GRID2: variants seen among roughly 807,000 people sequenced by gnomAD.
GRID2 encodes the protein glutamate ionotropic receptor delta type subunit 2.
GRID2 carries 33 observed loss-of-function variants against 114.8 expected under a neutral mutation model. That is an observed-to-expected ratio of 0.29 (90% CI 0.22 to 0.38). GRID2 has a LOEUF of 0.38. Ranked by LOEUF, GRID2 falls within the 10% of genes least tolerant of loss-of-function variation. The probability of loss-of-function intolerance (pLI) is 1.00; values close to 1 mark genes in which losing one functional copy is unlikely to be tolerated. For missense variants in GRID2, 1,184 were observed against 1,257.7 expected (o/e 0.94, Z 0.89); for synonymous variants, 505 against 449.9 (o/e 1.12, Z -1.55).
At chr4:93,593,215 G>C (rs1261752977) in intron 13 of GRID2, among the ~76,000 whole-genome samples, 1 of 147,006 alleles carries the variant, frequency 6.8e-6, no homozygotes, top group Non-Finnish European at 1.5e-5. Flanking sequence ...TCCATGTTTA[G>C]CGCTTCCTTC....
At chr4:93,519,995 A>G (rs994811243) in intron 13 of GRID2, among the ~76,000 whole-genome samples, 4 of 152,142 alleles carry the variant, frequency 2.6e-5, no homozygotes, top group Admixed American at 2.6e-4. Flanking sequence ...TTAAAATGGA[A>G]GCCAAGGCAA....
intron 9 of GRID2, among the ~76,000 whole-genome samples, chr4:93,405,545 C>A (rs910339969): frequency 2.6e-5 from 4 of 152,060 alleles, no homozygotes; most frequent in Non-Finnish European, 4.4e-5. Flanking sequence ...AAAAACAGAT[C>A]TACTACTTGT....
chr4:92,422,274 T>C (rs1474531127), intron 1 of GRID2, among the ~76,000 whole-genome samples: 3 of 152,068 alleles, frequency 2.0e-5, no homozygotes, highest in Non-Finnish European at 4.4e-5. Context: ...TGGAGAGTTC[T>C]AGGAGCAGAT....
intron 1 of GRID2, among the ~76,000 whole-genome samples, chr4:92,452,632 A>G (rs923418872): frequency 3.9e-5 from 6 of 151,914 alleles, no homozygotes; most frequent in Non-Finnish European, 7.4e-5. Context: ...GGCCCTCTTT[A>G]GGTTTTTAAT....
chr4:92,482,019 T>A (rs1364560104), intron 1 of GRID2, among the ~76,000 whole-genome samples: 1 of 66,806 alleles, frequency 1.5e-5, no homozygotes, highest in Non-Finnish European at 3.5e-5. Flanking sequence ...TATATATATA[T>A]ATATATATAT....
chr4:93,533,274 C>T lies in GRID2; in HGVS notation c.2193+17863C>T, dbSNP rs191092275. Among the ~76,000 whole-genome samples the T allele has an allele frequency of 5.5e-5, 7 of 127,192 alleles. No individual in the cohort carries two copies. The East Asian group carries it at 9.3e-4, about 17-fold the overall frequency. The allele number at this position is 127,192 out of a possible 152,430, so 83.4% of individuals were successfully genotyped here. ...CCTTCCTTCCTTCCTTCCTTCCTTC[C>T]TTCCTTCCTTCCTTCCTTCCTTCCT... On this transcript the variant is annotated intron_variant, in intron 13 of 15. Coordinates refer to ENST00000282020, the MANE Select transcript of GRID2 (RefSeq NM_001510.4).
intron 2 of GRID2, among the ~76,000 whole-genome samples, chr4:92,789,628 G>A (rs879286720): frequency 6.6e-6 from 1 of 151,718 alleles, no homozygotes; most frequent in African/African-American, 2.4e-5. Flanking sequence ...TTGACTTTTA[G>A]TATGTTATCT....
intron 12 of GRID2, among the ~76,000 whole-genome samples, chr4:93,509,953 TC>T (rs1729004530): frequency 6.6e-6 from 1 of 152,176 alleles, no homozygotes; most frequent in African/African-American, 2.4e-5. Flanking sequence ...TAATGAGCTC[TC>T]AGGGCTGTAA....
chr4:93,758,208 A>G (rs1011110698), intron 14 of GRID2, among the ~76,000 whole-genome samples: 3 of 152,220 alleles, frequency 2.0e-5, no homozygotes, highest in Non-Finnish European at 1.5e-5. Flanking sequence ...AAATTAAAAT[A>G]TAATTTAAAA....
In GRID2 at chr4:92,415,162, A is replaced by C. The variant is rs559444007; in HGVS notation, c.88+110418A>C. 1.3e-3 allele frequency among the ~76,000 whole-genome samples: 201 copies of C among 152,214 alleles called. 1 individual carries two copies. Among genetic ancestry groups the C allele is most frequent in the African/African-American group, 4.4e-3 (184 of 41,538 alleles). ...TAATATTTTATTTTCATGAATAATT[A>C]CTGATATATCTTAACAGAAATTGTT... On this transcript the variant is annotated intron_variant, in intron 1 of 15. Coordinates refer to ENST00000282020, the MANE Select transcript of GRID2 (RefSeq NM_001510.4).
intron 1 of GRID2, among the ~76,000 whole-genome samples, chr4:92,525,262 G>A (rs1248980074): frequency 6.6e-6 from 1 of 151,298 alleles, no homozygotes; most frequent in Admixed American, 6.6e-5. Context: ...GAGTCAGATT[G>A]GTACTCGGTG....
At chr4:93,470,227 C>T (rs868848707) in intron 11 of GRID2, among the ~76,000 whole-genome samples, 41 of 151,966 alleles carry the variant, frequency 2.7e-4, no homozygotes, top group African/African-American at 9.7e-4. Flanking sequence ...ACTTTTAAGT[C>T]GGAATGAGTA....
intron 2 of GRID2, among the ~76,000 whole-genome samples, chr4:92,832,288 A>AAAATAAAAAAT (rs1275718765): frequency 1.1e-4 from 17 of 152,234 alleles, no homozygotes; most frequent in African/African-American, 4.1e-4. Context: ...AAAAATTAAA[A>AAAATAAAAAAT]AAATAAAAAA....
chr4:92,779,186 A>ATGTGTATG (rs1553926601), intron 2 of GRID2, among the ~76,000 whole-genome samples: 4 of 147,262 alleles, frequency 2.7e-5, no homozygotes, highest in Non-Finnish European at 4.5e-5. Context: ...TAGTAAGTAA[A>ATGTGTATG]TGTGTGTGTG....
chr4:93,720,680 A>C (rs1301974239), intron 14 of GRID2, among the ~76,000 whole-genome samples: 2 of 152,188 alleles, frequency 1.3e-5, no homozygotes, highest in African/African-American at 2.4e-5. Flanking sequence ...TTAGTCATAT[A>C]AGAATCAGCA....
intron 1 of GRID2, among the ~76,000 whole-genome samples, chr4:92,563,131 A>G (rs1727174540): frequency 6.6e-6 from 1 of 152,118 alleles, no homozygotes; most frequent in African/African-American, 2.4e-5. Flanking sequence ...GAAGGATTAA[A>G]TTGTCATCCC....
chr4:93,076,457 G>C (rs1340466689), intron 2 of GRID2, among the ~76,000 whole-genome samples: 1 of 151,910 alleles, frequency 6.6e-6, no homozygotes, highest in Non-Finnish European at 1.5e-5. Flanking sequence ...TCAGAAAAAT[G>C]CGACAATGGT....
At chr4:93,163,399 T>TAC (rs70942954) in intron 4 of GRID2, among the ~76,000 whole-genome samples, 1,854 of 48,554 alleles carry the variant, frequency 0.038, 22 homozygotes, top group South Asian at 0.077. Context: ...TATATATATA[T>TAC]ACACTATATA....
chr4:93,200,521 G>A (rs934958129), intron 4 of GRID2, among the ~76,000 whole-genome samples: 2 of 151,812 alleles, frequency 1.3e-5, no homozygotes, highest in East Asian at 1.9e-4. Flanking sequence ...AGCCGAGATC[G>A]CGCCACTGCA....
Sources: allele counts gnomAD v4.1 joint callset (sites outside exome capture counted in the v4.1 genomes callset), GRCh38; gene constraint gnomAD v4.1.1; transcripts MANE v1.5; gene names NCBI Gene and HGNC (gene_info 2026-07-23, HGNC 2026-07-21).